The following SNCAIP variants were observed in gnomAD, a reference collection of about 807,000 sequenced individuals.
The protein encoded by SNCAIP is synphilin-1.
SNCAIP carries 43 observed loss-of-function variants against 86.7 expected under a neutral mutation model. That is an observed-to-expected ratio of 0.50 (90% CI 0.39 to 0.64). The LOEUF is 0.64. Among genes scored for constraint, SNCAIP ranks in the 30% least tolerant of loss-of-function variants. The pLI, the probability that SNCAIP is intolerant of heterozygous loss-of-function variation, is 0.00. For synonymous variants in SNCAIP, 417 were observed against 427.2 expected (o/e 0.98, Z 0.29); for missense variants, 981 against 1,103.1 (o/e 0.89, Z 1.57).
In SNCAIP at chr5:122,378,219, A is replaced by G. The variant is rs1019146134; in HGVS notation, c.-46-12870A>G. On this transcript the variant is annotated intron_variant, in intron 1 of 10. Transcript: ENST00000261368. ...AGCACCTGTCGTTTCCTGACAATTT[A>G]ATGATCGCCATTCTAACTGGTGTGA... Among the ~76,000 whole-genome samples the G allele has an allele frequency of 4.1e-5, 6 of 145,932 alleles. 1 individual carries two copies. Among genetic ancestry groups the G allele is most frequent in the African/African-American group, 1.5e-4 (6 of 38,908 alleles).
Position 122,444,550 on chromosome 5 carries a change from C to G in SNCAIP, c.1423-13C>G, listed in dbSNP as rs777790846. 3.1e-6 allele frequency: 5 copies of G among 1,612,762 alleles called. No individual in the cohort carries two copies. In the South Asian group the frequency reaches 4.4e-5, roughly 14 times the overall value. ...GAGATGTCCTGATACACATGTCCTT[C>G]ATTTTCTGACAGACCTTGGTTGAAT... On this transcript the variant is annotated splice_polypyrimidine_tract_variant and intron_variant, in intron 7 of 10. Coordinates refer to ENST00000261368, the MANE Select transcript of SNCAIP (RefSeq NM_005460.4).
chr5:122,390,589 C>G (rs1455711992), intron 1 of SNCAIP, among the ~76,000 whole-genome samples: 1 of 152,110 alleles, frequency 6.6e-6, no homozygotes, highest in Non-Finnish European at 1.5e-5. Flanking sequence ...TCTAAAATAT[C>G]CATTACTCTT....
intron 2 of SNCAIP, among the ~76,000 whole-genome samples, chr5:122,393,318 G>A (rs1259314913): frequency 6.6e-6 from 1 of 152,138 alleles, no homozygotes; most frequent in Non-Finnish European, 1.5e-5. Flanking sequence ...CCATGGGACA[G>A]GCATTATCTT....
intron 1 of SNCAIP, among the ~76,000 whole-genome samples, chr5:122,367,265 G>A (rs758686033): frequency 6.6e-6 from 1 of 152,124 alleles, no homozygotes; most frequent in Non-Finnish European, 1.5e-5. Context: ...GAAAAAGAGA[G>A]TATCAGACAG....
chr5:122,455,349 G>A (rs1307892226), intron 10 of SNCAIP, among the ~76,000 whole-genome samples: 2 of 152,200 alleles, frequency 1.3e-5, no homozygotes, highest in Non-Finnish European at 1.5e-5. Flanking sequence ...GGGAATGTGG[G>A]CCTGAAAAAT....
intron 1 of SNCAIP, among the ~76,000 whole-genome samples, chr5:122,378,659 T>C (rs1351580772): frequency 7.7e-6 from 1 of 129,840 alleles, no homozygotes; most frequent in African/African-American, 2.9e-5. Flanking sequence ...TCTTCTAGGG[T>C]TTTTTTGGTT....
intron 6 of SNCAIP, among the ~76,000 whole-genome samples, chr5:122,439,642 G>A (rs199847130): frequency 2.7e-4 from 41 of 152,118 alleles, no homozygotes; most frequent in Middle Eastern, 3.4e-3. Flanking sequence ...ATGAGCAGTC[G>A]GAGCAAACAA....
At position 122,463,485 on chromosome 5, in the gene SNCAIP, G is replaced by A. The variant is rs1204557503; in HGVS notation, c.2755-6G>A. 4 of 1,575,914 alleles carry A rather than the reference G, an allele frequency of 2.5e-6. No homozygotes were observed. Among genetic ancestry groups the A allele is most frequent in the Non-Finnish European group, 1.7e-6 (2 of 1,146,610 alleles). ...AATTTTGGCCTGTGGTTTCTCTTCT[G>A]CTTAGGCATAATGACATCAATAGAA... On this transcript the variant is annotated splice_region_variant and splice_polypyrimidine_tract_variant and intron_variant, in intron 10 of 10. Coordinates refer to ENST00000261368, the MANE Select transcript of SNCAIP (RefSeq NM_005460.4).
chr5:122,375,754 A>C (rs1156823380), intron 1 of SNCAIP, among the ~76,000 whole-genome samples: 1 of 152,118 alleles, frequency 6.6e-6, no homozygotes, highest in Non-Finnish European at 1.5e-5. Flanking sequence ...AAAAATAATA[A>C]AAATAAAAAG....
intron 10 of SNCAIP, among the ~76,000 whole-genome samples, chr5:122,462,971 A>T (rs1414064189): frequency 6.6e-6 from 1 of 152,192 alleles, no homozygotes; most frequent in African/African-American, 2.4e-5. Context: ...GAAAAGGAGC[A>T]TATTGTTCTT....
At chr5:122,330,392 ATTACAGGCGTGAGCCACCGCGCC>A (rs1319115121) in intron 1 of SNCAIP, among the ~76,000 whole-genome samples, 1 of 152,084 alleles carries the variant, frequency 6.6e-6, no homozygotes, top group East Asian at 1.9e-4. Flanking sequence ...AAGTGCTGGG[ATTACAGGCGTGAGCCACCGCGCC>A]CGGCCTCATT....
chr5:122,407,291 G>A lies in SNCAIP; in HGVS notation c.130+3426G>A, dbSNP rs552071685. On this transcript the variant is annotated intron_variant, in intron 3 of 10. Coordinates refer to ENST00000261368, the MANE Select transcript of SNCAIP (RefSeq NM_005460.4). Reference sequence around the variant, plus strand: ...GAGAAAACCAGCAAAGAGTGTTGAAGGCAGAGGAACTAGTAATTGCAAAGT... The same window carrying A: ...GAGAAAACCAGCAAAGAGTGTTGAAAGCAGAGGAACTAGTAATTGCAAAGT... 6.8e-4 allele frequency among the ~76,000 whole-genome samples: 103 copies of A among 152,296 alleles called. 1 individual carries two copies. The highest frequency in any genetic ancestry group is 2.3e-3 in the African/African-American group (96 of 41,564).
rs139343951 is a variant in SNCAIP, at chr5:122,438,765, G to A, written c.1297-1864G>A. On this transcript the variant is annotated intron_variant, in intron 6 of 10. Transcript: ENST00000261368. ...TCAGTTTTCTGACTTATAAAATAAG[G>A]CTTTTTGAATTGGATGATTCTTTAA... Among the ~76,000 whole-genome samples the A allele has an allele frequency of 1.9e-4, 29 of 152,258 alleles. No individual in the cohort carries two copies. In the East Asian group the frequency reaches 5.2e-3, roughly 27 times the overall value.
At chr5:122,383,175 G>A (rs1365481739) in intron 1 of SNCAIP, among the ~76,000 whole-genome samples, 3 of 152,132 alleles carry the variant, frequency 2.0e-5, no homozygotes, top group Non-Finnish European at 4.4e-5. Flanking sequence ...TCAGACTGCT[G>A]TGCTAGCAAT....
intron 5 of SNCAIP, among the ~76,000 whole-genome samples, chr5:122,426,702 G>T (rs1255657839): frequency 6.6e-6 from 1 of 152,088 alleles, no homozygotes; most frequent in African/African-American, 2.4e-5. Flanking sequence ...GTAAACTTCA[G>T]GCAGCTATCA....
chr5:122,317,367 T>G (rs747560691), intron 1 of SNCAIP, among the ~76,000 whole-genome samples: 1 of 152,214 alleles, frequency 6.6e-6, no homozygotes, highest in Non-Finnish European at 1.5e-5. Flanking sequence ...ATTTCTTCTT[T>G]TCTTCATGGT....
At chr5:122,452,684 T>G (rs1351838586) in intron 10 of SNCAIP, among the ~76,000 whole-genome samples, 2 of 152,188 alleles carry the variant, frequency 1.3e-5, no homozygotes, top group African/African-American at 4.8e-5. Context: ...ACACCAGACC[T>G]TTTGGGTTAA....
intron 1 of SNCAIP, among the ~76,000 whole-genome samples, chr5:122,373,998 G>C (rs976894279): frequency 3.3e-5 from 5 of 152,168 alleles, no homozygotes; most frequent in Non-Finnish European, 7.4e-5. Flanking sequence ...CAGATCCCTT[G>C]TCTACTAACA....
intron 8 of SNCAIP, among the ~76,000 whole-genome samples, chr5:122,445,742 CT>C (rs915571063): frequency 6.7e-6 from 1 of 148,250 alleles, no homozygotes; most frequent in African/African-American, 2.5e-5. Context: ...AGAAAAAAAC[CT>C]TGGTTTTTTT....
Sources: allele counts gnomAD v4.1 joint callset (sites outside exome capture counted in the v4.1 genomes callset), GRCh38; gene constraint gnomAD v4.1.1; transcripts MANE v1.5; gene names NCBI Gene and HGNC (gene_info 2026-07-23, HGNC 2026-07-21).